ACAP3: variants seen among roughly 807,000 people sequenced by gnomAD.
ACAP3 encodes ArfGAP with coiled-coil, ankyrin repeat and PH domains 3.
A neutral mutation model predicts 104.1 loss-of-function variants in ACAP3; 56 were observed. The ratio of observed to expected loss-of-function variants is 0.54; its 90% CI spans 0.43 to 0.67. The LOEUF (loss-of-function observed/expected upper bound fraction) is 0.67. Among genes scored for constraint, ACAP3 ranks in the 30% least tolerant of loss-of-function variants. ACAP3 has a pLI of 0.00. For missense variants in ACAP3, 1,208 were observed against 1,174.9 expected (o/e 1.03, Z -0.41); for synonymous variants, 628 against 496.2 (o/e 1.27, Z -3.53).
At chr1:1,298,222 C>T in intron 12 of ACAP3, 109 bp from the exon 13 acceptor site, 4 of 1,572,542 alleles carry the variant, frequency 2.5e-6, no homozygotes, top group Non-Finnish European at 3.5e-6. Flanking sequence ...AGCCCCAAGC[C>T]CCGTGTCCAG....
intron 15 of ACAP3, 65 bp from the exon 16 acceptor site, chr1:1,296,345 C>G: frequency 6.5e-7 from 1 of 1,548,356 alleles, no homozygotes; most frequent in Non-Finnish European, 8.7e-7. Flanking sequence ...CCAACCCCCA[C>G]CCCCGGCCTG....
rs1247947242 is a variant in ACAP3, at chr1:1,293,636, C to T, written c.2433G>A (p.Ala811=). 2 of 1,485,846 alleles carry T rather than the reference C, an allele frequency of 1.3e-6. No homozygotes were observed. The highest frequency in any genetic ancestry group is 5.6e-5 in the East Asian group (2 of 35,580). 92.0% of individuals were successfully genotyped at this position (1,485,846 alleles called of 1,614,324 possible). A position where few individuals can be genotyped will look rare whatever the true frequency, so the allele number is the denominator to read the frequency against. ...GGAACTGGAGCTCCGTGGGGCTGCC[C>T]GCCAGGGCGCCCGGGGGACCAGGGG... The part of the protein sequence containing the change: ...EAAPGPPGAL[A]GSPTELQFRR... The change falls in exon 24 of 24, where the codon GCG becomes GCA. Residue 811 remains alanine (A), a synonymous_variant. Coordinates refer to ENST00000354700, the MANE Select transcript of ACAP3 (RefSeq NM_030649.3).
rs6664893 is a variant in ACAP3 at position 1,297,751 on chromosome 1, G to T, written c.1128+71C>A. 171 of 1,174,618 alleles carry T rather than the reference G, an allele frequency of 1.5e-4. 18 individuals carry two copies. Among genetic ancestry groups the T allele is most frequent in the East Asian group, 1.0e-3 (28 of 28,030 alleles). The allele number at this position is 1,174,618 out of a possible 1,614,324, so 72.8% of individuals were successfully genotyped here. On this transcript the variant is annotated intron_variant, in intron 14 of 23. Transcript: ENST00000354700. Reference sequence around the variant, plus strand: ...GTGGCACGTGTGTGTGTGCACAGGCGCGGGGCAGGGGCCATCCCCGGTGGC... The same window carrying T: ...GTGGCACGTGTGTGTGTGCACAGGCTCGGGGCAGGGGCCATCCCCGGTGGC...
chr1:1,298,496 G>T, intron 11 of ACAP3, 71 bp downstream of exon 11: 1 of 1,476,736 alleles, frequency 6.8e-7, no homozygotes, highest in Admixed American at 2.1e-5. Flanking sequence ...CCCCACCTGA[G>T]GACCCCACCC....
rs1469741207 is a variant in ACAP3 at position 1,300,504 on chromosome 1, C to T, written c.522+5G>A. On this transcript the variant is annotated splice_donor_5th_base_variant and intron_variant, in intron 6 of 23. Transcript: ENST00000354700. ...CCCGCCCCCCAGCCCATTTCTGGGG[C>T]TGACCTGGAGCACATAGTCCAGTGC... 1 of 1,605,206 alleles carries T rather than the reference C, an allele frequency of 6.2e-7. No individual in the cohort carries two copies. The highest frequency in any genetic ancestry group is 2.2e-5 in the East Asian group (1 of 44,680).
In ACAP3 at chr1:1,295,569, C is replaced by T. The variant is rs1368461027; in HGVS notation, c.1706-15G>A. ...CAGGGTGCCCACTGCAGGGGCAGTG[C>T]GTGTTCAGAGTGTGGAACAGGCCCG... is the stretch of plus-strand genomic sequence containing the variant. On this transcript the variant is annotated splice_polypyrimidine_tract_variant and intron_variant, in intron 18 of 23. Coordinates refer to ENST00000354700, the MANE Select transcript of ACAP3 (RefSeq NM_030649.3). The T allele has an allele frequency of 6.2e-7, 1 of 1,609,140 alleles. No homozygotes were observed. The highest frequency in any genetic ancestry group is 8.5e-7 in the Non-Finnish European group (1 of 1,177,332).
intron 4 of ACAP3, 63 bp downstream of exon 4, chr1:1,302,859 G>A (rs1641510102): frequency 3.9e-6 from 6 of 1,545,786 alleles, no homozygotes; most frequent in Non-Finnish European, 5.3e-6. Flanking sequence ...GCCTTCAGGT[G>A]AGCCAGCGCA....
chr1:1,298,669 T>C lies in ACAP3; in HGVS notation c.761A>G (p.Tyr254Cys). The C allele has an allele frequency of 6.2e-7, 1 of 1,612,328 alleles. No homozygotes were observed. Among genetic ancestry groups the C allele is most frequent in the Non-Finnish European group, 8.5e-7 (1 of 1,179,662 alleles). The change falls in exon 11 of 24, where the codon TAC becomes TGC. Residue 254 changes from tyrosine (Y) to cysteine (C), a missense_variant. Coordinates refer to ENST00000354700, the MANE Select transcript of ACAP3 (RefSeq NM_030649.3). ...GTCAAACTCCACTTTGGACTCATCG[T>C]AGGAGAAGTCCTGGGGGGATGGAAC... ...QQRTLLQDFSYDESKVEFDVD... is the reference protein window; with the variant it reads ...QQRTLLQDFSCDESKVEFDVD...
rs1447791357 is a variant in ACAP3, at chr1:1,295,551, C to T, written c.1709G>A (p.Gly570Asp). ...TCGGCGGAACTTACGATCCAGGGTG[C>T]CCACTGCAGGGGCAGTGCGTGTTCA... ...LPCVAALSSV[G>D]TLDRKFRRDS... Residue 570 changes from glycine (G) to aspartate (D), a missense_variant, in exon 19 of 24, where the codon GGC becomes GAC. By Grantham distance (94) the Gly-to-Asp change is moderately conservative. Coordinates refer to ENST00000354700, the MANE Select transcript of ACAP3 (RefSeq NM_030649.3). 5 of 1,612,150 alleles carry T rather than the reference C, an allele frequency of 3.1e-6. No homozygotes were observed. The highest frequency in any genetic ancestry group is 3.4e-6 in the Non-Finnish European group (4 of 1,179,720).
In ACAP3 at chr1:1,293,157, C is replaced by G. The variant is rs541955095; in HGVS notation, c.*407G>C. 6.4e-6 allele frequency: 1 copy of G among 156,050 alleles called. No individual in the cohort carries two copies. Among genetic ancestry groups the G allele is most frequent in the South Asian group, 2.0e-4 (1 of 4,976 alleles). The allele number at this position is 156,050 out of a possible 1,614,324, so 9.7% of individuals were successfully genotyped here. A position where few individuals can be genotyped will look rare whatever the true frequency, so the allele number is the denominator to read the frequency against. On this transcript the variant is annotated 3_prime_UTR_variant, in exon 24 of 24. Transcript: ENST00000354700. ...CCCTGGGAGGAGGCTCTGGGGTGTG[C>G]AGGAGGGAGCCAGCTAACAGGTCAG...
At position 1,297,925 on chromosome 1, in the gene ACAP3, A is replaced by G; in HGVS notation, c.1025T>C (p.Met342Thr). ...FEVLSPTKSC[M>T]LQADSEKLRQ... is the part of the protein sequence containing the mutation. The stretch of plus-strand genomic sequence containing the variant: ...CAGCTTCTCGGAGTCAGCCTGCAGC[A>G]TGCAGCTCCTGCAGGCAGTGGAGGG... Residue 342 changes from methionine (M) to threonine (T), a missense_variant, in exon 14 of 24, where the codon ATG becomes ACG. Physicochemically the swap from Met to Thr is moderately conservative, Grantham distance 81. Coordinates refer to ENST00000354700, the MANE Select transcript of ACAP3 (RefSeq NM_030649.3). 6.2e-7 allele frequency: 1 copy of G among 1,611,904 alleles called. No homozygotes were observed. The highest frequency in any genetic ancestry group is 8.5e-7 in the Non-Finnish European group (1 of 1,179,444).
rs571398899 is a variant in ACAP3 at position 1,293,221 on chromosome 1, C to T, written c.*343G>A. 1 of 178,712 alleles carries T rather than the reference C, an allele frequency of 5.6e-6. No individual in the cohort carries two copies. Among genetic ancestry groups the T allele is most frequent in the African/African-American group, 2.4e-5 (1 of 42,202 alleles). The allele number at this position is 178,712 out of a possible 1,614,324, so 11.1% of individuals were successfully genotyped here. A position where few individuals can be genotyped will look rare whatever the true frequency, so the allele number is the denominator to read the frequency against. On this transcript the variant is annotated 3_prime_UTR_variant, in exon 24 of 24. Transcript: ENST00000354700. ...AGTGGGGCACGAAGTAACACAGGCC[C>T]TGAGGACACAGGGACACAGGTGACA...
At chr1:1,299,098 G>A in intron 10 of ACAP3, 1 of 583,998 alleles carries the variant, frequency 1.7e-6, no homozygotes, top group Non-Finnish European at 3.0e-6. Context: ...GGCCAGGGAA[G>A]CAGAGGGGAG....
intron 22 of ACAP3, 35 bp from the exon 23 acceptor site, chr1:1,293,968 G>C: frequency 6.7e-7 from 1 of 1,497,014 alleles, no homozygotes; most frequent in East Asian, 2.6e-5. Context: ...TGTCGGGGCG[G>C]GGCGGGGCGG....
chr1:1,299,939 G>A (rs1267752454), intron 8 of ACAP3, 34 bp from the exon 9 acceptor site: 4 of 1,598,702 alleles, frequency 2.5e-6, no homozygotes, highest in Non-Finnish European at 3.4e-6. Flanking sequence ...GGTCACGGAG[G>A]CCTGGCCCAG....
Position 1,303,892 on chromosome 1 carries a change from C to T in ACAP3, c.105+194G>A. On this transcript the variant is annotated intron_variant, in intron 2 of 23. Coordinates refer to ENST00000354700, the MANE Select transcript of ACAP3 (RefSeq NM_030649.3). The surrounding 1 kb of genome is among the most constrained non-coding windows in gnomAD (Gnocchi z 4.0). ...TCCCAGATGGGACGAGACTCAGGGC[C>T]AGCCACATGTGTGCATGTGACATGT... is the stretch of plus-strand genomic sequence containing the variant. 4.3e-6 allele frequency: 3 copies of T among 692,868 alleles called. No homozygotes were observed. Among genetic ancestry groups the T allele is most frequent in the East Asian group, 2.7e-5 (1 of 36,458 alleles). 42.9% of individuals were successfully genotyped at this position (692,868 alleles called of 1,614,324 possible). A position where few individuals can be genotyped will look rare whatever the true frequency, so the allele number is the denominator to read the frequency against.
Position 1,296,223 on chromosome 1 carries a change from A to G in ACAP3, c.1395T>C (p.Pro465=), listed in dbSNP as rs894789044. The change falls in exon 16 of 24, where the codon CCT becomes CCC. Residue 465 remains proline (P), a synonymous_variant. Transcript: ENST00000354700. ...VRSLTLDSWE[P]ELLKLMCELG... is the part of the protein sequence containing the mutation. ...GCCCCACACGCACCTTTAGCAGCTC[A>G]GGCTCCCACGAGTCCAGCGTCAGGG... 3.2e-6 allele frequency: 5 copies of G among 1,570,432 alleles called. No individual in the cohort carries two copies. In the African/African-American group the frequency reaches 6.8e-5, roughly 21 times the overall value.
At position 1,303,049 on chromosome 1, in the gene ACAP3, C is replaced by A; in HGVS notation, c.226-74G>T. On this transcript the variant is annotated intron_variant, in intron 3 of 23. Transcript: ENST00000354700. The surrounding 1 kb of genome is among the most constrained non-coding windows in gnomAD (Gnocchi z 4.0). ...GGTCACCCAGCCACGCCCTCTGAGC[C>A]CCTGGGCGGTGCAGACACCGGCCTG... is the stretch of plus-strand genomic sequence containing the variant. The A allele has an allele frequency of 6.4e-7, 1 of 1,561,768 alleles. No homozygotes were observed. The highest frequency in any genetic ancestry group is 1.2e-5 in the South Asian group (1 of 84,934).
chr1:1,294,292 G>T, intron 21 of ACAP3, 93 bp from the exon 22 acceptor site: 4 of 1,514,498 alleles, frequency 2.6e-6, no homozygotes, highest in East Asian at 2.5e-5. Flanking sequence ...CCCCAGCCGG[G>T]ACCGAACGTG....
Sources: gnomAD v4.1 joint callset for allele counts on GRCh38, gnomAD v4.1.1 for gene constraint, Gnocchi (gnomAD v3.1) non-coding constraint, MANE v1.5 for transcripts, NCBI Gene and HGNC (gene_info 2026-07-23, HGNC 2026-07-21) for gene names.